Variants in MCPH1 observed in about 807,000 individuals in gnomAD.
MCPH1 encodes microcephalin.
MCPH1 carries 104 observed loss-of-function variants against 84.5 expected under a neutral mutation model. The observed-to-expected ratio is 1.23, with a 90% CI of 1.05 to 1.45. MCPH1 has a LOEUF of 1.45. MCPH1 is among the 40% of genes most tolerant of loss of function. MCPH1 has a pLI of 0.00. For missense variants in MCPH1, 1,498 were observed against 1,005.7 expected, an observed-to-expected ratio of 1.49 and a Z score of -6.62; for synonymous variants, 514 against 366.8, an observed-to-expected ratio of 1.40 and a Z score of -4.58.
chr8:6,574,446 C>G (rs952339490), intron 12 of MCPH1, among the ~76,000 whole-genome samples: 1 of 152,186 alleles, frequency 6.6e-6, no homozygotes, highest in African/African-American at 2.4e-5. Flanking sequence ...CCTGCAGTGA[C>G]GCTACTTCCA....
chr8:6,449,816 C>T (rs1205922608), intron 8 of MCPH1, among the ~76,000 whole-genome samples: 1 of 152,070 alleles, frequency 6.6e-6, no homozygotes, highest in African/African-American at 2.4e-5. Context: ...GAAATGTGTC[C>T]CACCTGACCC....
chr8:6,422,665 T>C (rs913985148), intron 3 of MCPH1, among the ~76,000 whole-genome samples: 3 of 152,190 alleles, frequency 2.0e-5, no homozygotes, highest in Non-Finnish European at 2.9e-5. Flanking sequence ...ATAATACTTG[T>C]AACTTCGTTA....
intron 12 of MCPH1, chr8:6,514,799 T>C (rs752891870): frequency 6.2e-7 from 1 of 1,606,350 alleles, no homozygotes; most frequent in South Asian, 1.1e-5. Context: ...GAATGCAGGG[T>C]ATAAGTGACA....
rs745360994 is a variant in MCPH1 at position 6,445,372 on chromosome 8, A to C, written c.1650A>C (p.Glu550Asp). The change falls in exon 8 of 14, where the codon GAA becomes GAC. Residue 550 changes from glutamate to aspartate, a missense_variant. Transcript: ENST00000344683. ...TAACTCCTTTGGAAGGAAGCCTTGA[A>C]GAAATGAAAGAAGCGGTTGGTCTGA... ...DDLTPLEGSL[E>D]EMKEAVGLKS... 1 of 1,614,272 alleles carries C rather than the reference A, an allele frequency of 6.2e-7. No individual in the cohort carries two copies.
chr8:6,444,677 G>T lies in MCPH1; in HGVS notation c.955G>T (p.Ala319Ser), dbSNP rs1251429918. 1 of 1,614,086 alleles carries T rather than the reference G, an allele frequency of 6.2e-7. No homozygotes were observed. Among genetic ancestry groups the T allele is most frequent in the East Asian group, 2.2e-5 (1 of 44,894 alleles). Reference sequence around the variant, plus strand: ...AGTCACCCCTGACCAAAAGCAGGCTGCAGGTATGTCTCAGGAGACGTTTGA... The same window carrying T: ...AGTCACCCCTGACCAAAAGCAGGCTTCAGGTATGTCTCAGGAGACGTTTGA... ...KVVTPDQKQA[A>S]GMSQETFEEK... Residue 319 changes from alanine to serine, a missense_variant, in exon 8 of 14, where the codon GCA (alanine) becomes TCA (serine). Ala to Ser is a moderately conservative substitution (Grantham distance 99, BLOSUM62 1). Transcript: ENST00000344683.
chr8:6,475,254 G>T (rs1363796063), intron 9 of MCPH1, among the ~76,000 whole-genome samples: 3 of 152,216 alleles, frequency 2.0e-5, no homozygotes, highest in Non-Finnish European at 4.4e-5. Flanking sequence ...AGCAAATGCT[G>T]GGGAGCAGGG....
At chr8:6,437,679 C>G (rs1452140762) in intron 5 of MCPH1, among the ~76,000 whole-genome samples, 1 of 152,154 alleles carries the variant, frequency 6.6e-6, no homozygotes, top group Non-Finnish European at 1.5e-5. Flanking sequence ...GCGTGTCCAT[C>G]CTTCCTTCAC....
intron 12 of MCPH1, among the ~76,000 whole-genome samples, chr8:6,522,310 ATG>A (rs1563339132): frequency 1.3e-5 from 2 of 152,006 alleles, no homozygotes; most frequent in Non-Finnish European, 2.9e-5. Context: ...AGCTGAGATC[ATG>A]CCACTGCACT....
chr8:6,499,874 G>C lies in MCPH1; in HGVS notation c.2159G>C (p.Gly720Ala), dbSNP rs746294778. 6.2e-7 allele frequency: 1 copy of C among 1,613,390 alleles called. No homozygotes were observed. Among genetic ancestry groups the C allele is most frequent in the East Asian group, 2.2e-5 (1 of 44,878 alleles). ...YDWVLWSLELGHWISEEPFEL... is the reference protein window; with the variant it reads ...YDWVLWSLELAHWISEEPFEL... ...CAGGTGCTATGGTCTTTAGAATTGG[G>C]TCACTGGATTTCTGAGGAGCCGTTC... Residue 720 changes from glycine to alanine, a missense_variant, in exon 12 of 14, where the codon GGT becomes GCT. Coordinates refer to ENST00000344683, the MANE Select transcript of MCPH1 (RefSeq NM_024596.5).
chr8:6,500,095 A>G, intron 12 of MCPH1, 166 bp downstream of exon 12: 1 of 660,770 alleles, frequency 1.5e-6, no homozygotes, highest in Non-Finnish European at 2.7e-6. Context: ...ATTCGCGAGA[A>G]CAAATGTGAG....
intron 2 of MCPH1, among the ~76,000 whole-genome samples, chr8:6,411,145 T>C (rs1282602438): frequency 2.0e-5 from 3 of 152,080 alleles, no homozygotes; most frequent in Non-Finnish European, 4.4e-5. Flanking sequence ...TTTGGCCTGA[T>C]GTCAAAAGGT....
intron 12 of MCPH1, among the ~76,000 whole-genome samples, chr8:6,574,973 T>C (rs1276526725): frequency 6.6e-6 from 1 of 152,070 alleles, no homozygotes; most frequent in African/African-American, 2.4e-5. Context: ...GATAAAGCAG[T>C]AAGAGGGAAG....
chr8:6,510,647 G>A (rs1814871902), intron 12 of MCPH1, among the ~76,000 whole-genome samples: 1 of 152,214 alleles, frequency 6.6e-6, no homozygotes, highest in Non-Finnish European at 1.5e-5. Flanking sequence ...TCCGAGGTCA[G>A]ACTCTTAAGT....
At chr8:6,421,367 G>T (rs141748558) in intron 3 of MCPH1, among the ~76,000 whole-genome samples, 1 of 152,048 alleles carries the variant, frequency 6.6e-6, no homozygotes, top group African/African-American at 2.4e-5. Context: ...CTCCTGCCGG[G>T]CTTATGCCTA....
rs151191215 is a variant in MCPH1, at chr8:6,637,165, A to G, written c.2453-5829A>G. Among the ~76,000 whole-genome samples, 83 of 152,372 alleles carry G rather than the reference A, an allele frequency of 5.4e-4. No homozygotes were observed. The East Asian group carries it at 0.015, about 28-fold the overall frequency. On this transcript the variant is annotated intron_variant, in intron 13 of 13. Transcript: ENST00000344683. Reference sequence around the variant, plus strand: ...ATGCCGAGCATATCCTAGGCACTGCAGGTACAGCAACTGACAGGAATATAC... The same window carrying G: ...ATGCCGAGCATATCCTAGGCACTGCGGGTACAGCAACTGACAGGAATATAC...
chr8:6,490,979 ATTAT>A (rs1810504176), intron 11 of MCPH1, among the ~76,000 whole-genome samples: 1 of 149,202 alleles, frequency 6.7e-6, no homozygotes, highest in Admixed American at 6.7e-5. Context: ...ATTAATAACA[ATTAT>A]TTAATATTAA....
At chr8:6,559,825 G>C (rs1825239422) in intron 12 of MCPH1, among the ~76,000 whole-genome samples, 2 of 151,694 alleles carry the variant, frequency 1.3e-5, no homozygotes, top group South Asian at 2.1e-4. Context: ...GTAGTGTTTG[G>C]TCCACTGCAG....
At chr8:6,416,463 T>A (rs1197119845) in intron 3 of MCPH1, among the ~76,000 whole-genome samples, 2 of 152,238 alleles carry the variant, frequency 1.3e-5, no homozygotes, top group African/African-American at 4.8e-5. Context: ...ATGTCCTTTT[T>A]TAGGCTGAGG....
chr8:6,495,925 T>A (rs970946713), intron 11 of MCPH1, among the ~76,000 whole-genome samples: 1 of 152,204 alleles, frequency 6.6e-6, no homozygotes, highest in Non-Finnish European at 1.5e-5. Context: ...ATCAGTGATA[T>A]TTTATACCAG....
Sources: gnomAD v4.1 joint callset for allele counts (sites outside exome capture counted in the v4.1 genomes callset) on GRCh38, gnomAD v4.1.1 for gene constraint, MANE v1.5 for transcripts, NCBI Gene and HGNC (gene_info 2026-07-23, HGNC 2026-07-21) for gene names.